The following KCNQ3 variants were observed in gnomAD, a reference collection of about 807,000 sequenced individuals.
The protein encoded by KCNQ3 is potassium voltage-gated channel subfamily Q member 3, also known as potassium voltage-gated channel subfamily KQT member 3.
In KCNQ3, 30 loss-of-function variants were observed where a neutral mutation model predicts 92.5. The observed-to-expected ratio is 0.32, with a 90% confidence interval of 0.24 to 0.44. KCNQ3 has a LOEUF of 0.44. Among genes scored for constraint, KCNQ3 ranks in the 20% least tolerant of loss-of-function variants. The pLI, the probability that KCNQ3 is intolerant of heterozygous loss-of-function variation, is 1.00. For missense variants in KCNQ3, 913 were observed against 1,140.3 expected, an observed-to-expected ratio of 0.80 and a Z score of 2.87; for synonymous variants, 450 against 468.8, an observed-to-expected ratio of 0.96 and a Z score of 0.52.
chr8:132,352,393 A>C (rs1306480941), intron 1 of KCNQ3, among the ~76,000 whole-genome samples: 1 of 152,274 alleles, frequency 6.6e-6, no homozygotes, highest in East Asian at 1.9e-4. Flanking sequence ...TCTACAATGC[A>C]CAGGAACAAG....
intron 1 of KCNQ3, among the ~76,000 whole-genome samples, chr8:132,373,151 A>G (rs1192144005): frequency 6.6e-6 from 1 of 152,026 alleles, no homozygotes; most frequent in Non-Finnish European, 1.5e-5. Context: ...GGCAAGTCAT[A>G]CTAGCACTCA....
At chr8:132,435,907 C>T (rs1821382414) in intron 1 of KCNQ3, among the ~76,000 whole-genome samples, 3 of 152,152 alleles carry the variant, frequency 2.0e-5, no homozygotes, top group African/African-American at 7.2e-5. Context: ...GGCATTGCAG[C>T]CAAGTTTGTA....
In KCNQ3 at chr8:132,175,392, C is replaced by A. The variant is rs2130133001; in HGVS notation, c.933+61G>T. ...CTGAACATGCTCATGTGATGCCCTC[C>A]ACCTCTCTCTGACTCTTGACAGTCA... On this transcript the variant is annotated intron_variant, in intron 5 of 14. Transcript: ENST00000388996. 15 of 1,576,590 alleles carry A rather than the reference C, an allele frequency of 9.5e-6. No individual in the cohort carries two copies. In the South Asian group the frequency reaches 1.3e-4, roughly 14 times the overall value.
At chr8:132,202,073 C>G (rs955115469) in intron 1 of KCNQ3, among the ~76,000 whole-genome samples, 3 of 152,144 alleles carry the variant, frequency 2.0e-5, no homozygotes, top group African/African-American at 7.2e-5. Flanking sequence ...GTGGGTTGAG[C>G]CACAACTTGT....
intron 1 of KCNQ3, among the ~76,000 whole-genome samples, chr8:132,376,030 G>A (rs1030784028): frequency 9.9e-5 from 15 of 152,250 alleles, no homozygotes; most frequent in Admixed American, 4.6e-4. Context: ...AAGCCCAGGC[G>A]TATCTCTTGT....
chr8:132,232,261 G>C (rs1333247150), intron 1 of KCNQ3, among the ~76,000 whole-genome samples: 2 of 152,108 alleles, frequency 1.3e-5, no homozygotes, highest in Non-Finnish European at 2.9e-5. Flanking sequence ...AGATCACCAA[G>C]GGGTCTTGTT....
chr8:132,417,768 G>A (rs370334738), intron 1 of KCNQ3, among the ~76,000 whole-genome samples: 52 of 152,300 alleles, frequency 3.4e-4, no homozygotes, highest in African/African-American at 1.1e-3. Flanking sequence ...CTTCCTAATG[G>A]AGTCCAAGCA....
In KCNQ3 at chr8:132,246,183, T is replaced by G. The variant is rs372015270; in HGVS notation, c.387-60002A>C. ...CAGAAAACAGACTGCCTGTCCCATTTACCTATTCTTGTGCAAGTGCCCAGA... is the reference window on the plus strand; with the variant it reads ...CAGAAAACAGACTGCCTGTCCCATTGACCTATTCTTGTGCAAGTGCCCAGA... On this transcript the variant is annotated intron_variant, in intron 1 of 14. Transcript: ENST00000388996. Among the ~76,000 whole-genome samples, 11 of 152,318 alleles carry G rather than the reference T, an allele frequency of 7.2e-5. No homozygotes were observed. The South Asian group carries it at 2.3e-3, about 32-fold the overall frequency.
chr8:132,337,242 GGCAGTC>G (rs902679458), intron 1 of KCNQ3, among the ~76,000 whole-genome samples: 4 of 152,182 alleles, frequency 2.6e-5, no homozygotes, highest in Admixed American at 6.5e-5. Context: ...CCAGCACTTT[GGCAGTC>G]CAAGGCAGGA....
intron 1 of KCNQ3, among the ~76,000 whole-genome samples, chr8:132,387,999 A>AGAAGAAGAGGAAGAGGAAGAG (rs1819938092): frequency 6.8e-6 from 1 of 147,802 alleles, no homozygotes; most frequent in South Asian, 2.2e-4. Flanking sequence ...AAGAGGAAGA[A>AGAAGAAGAGGAAGAGGAAGAG]GAAGAAGAGG....
intron 1 of KCNQ3, among the ~76,000 whole-genome samples, chr8:132,244,959 G>A (rs990765938): frequency 5.6e-5 from 8 of 143,986 alleles, no homozygotes; most frequent in African/African-American, 2.0e-4. Context: ...AGCTACCCAC[G>A]ATTCCACTGC....
chr8:132,382,217 C>T (rs921098662), intron 1 of KCNQ3, among the ~76,000 whole-genome samples: 1 of 152,198 alleles, frequency 6.6e-6, no homozygotes, highest in African/African-American at 2.4e-5. Context: ...GAAATGTGAT[C>T]CCCGGTGTTG....
intron 1 of KCNQ3, among the ~76,000 whole-genome samples, chr8:132,388,887 C>T (rs918262123): frequency 6.6e-6 from 1 of 152,134 alleles, no homozygotes. Context: ...GTTCTGATTC[C>T]ATTCTATGAT....
intron 4 of KCNQ3, among the ~76,000 whole-genome samples, chr8:132,176,214 G>A (rs1421535940): frequency 6.6e-6 from 1 of 152,172 alleles, no homozygotes; most frequent in African/African-American, 2.4e-5. Context: ...AAGGTATCAA[G>A]CCTGTAATTT....
intron 1 of KCNQ3, among the ~76,000 whole-genome samples, chr8:132,294,585 C>T (rs1816961104): frequency 6.6e-6 from 1 of 152,186 alleles, no homozygotes; most frequent in Admixed American, 6.5e-5. Context: ...AGGGACACAA[C>T]TTTCATAAGT....
intron 1 of KCNQ3, among the ~76,000 whole-genome samples, chr8:132,394,992 C>A (rs1213393313): frequency 1.3e-5 from 2 of 152,200 alleles, no homozygotes; most frequent in Admixed American, 6.5e-5. Flanking sequence ...GACAACCAAC[C>A]CTGCCTCCAT....
Position 132,273,800 on chromosome 8 carries a change from A to G in KCNQ3, c.387-87619T>C, listed in dbSNP as rs567971770. Among the ~76,000 whole-genome samples, 29 of 152,258 alleles carry G rather than the reference A, an allele frequency of 1.9e-4. 1 individual carries two copies. The highest frequency in any genetic ancestry group is 3.4e-3 in the Middle Eastern group (1 of 294). ...ACTCTCTCAAGTTTAAAGTTCCGCA[A>G]ATCTCTAGGGGTAAAATGCTGCTAG... is the stretch of plus-strand genomic sequence containing the variant. On this transcript the variant is annotated intron_variant, in intron 1 of 14. Coordinates refer to ENST00000388996, the MANE Select transcript of KCNQ3 (RefSeq NM_004519.4).
chr8:132,412,040 G>A (rs938291208), intron 1 of KCNQ3, among the ~76,000 whole-genome samples: 11 of 152,182 alleles, frequency 7.2e-5, no homozygotes, highest in Non-Finnish European at 1.5e-4. Flanking sequence ...TACTTATGGT[G>A]CTATGCAGAA....
At chr8:132,344,425 C>A (rs140679222) in intron 1 of KCNQ3, among the ~76,000 whole-genome samples, 1 of 152,278 alleles carries the variant, frequency 6.6e-6, no homozygotes, top group East Asian at 1.9e-4. Context: ...ACTTATTAGA[C>A]CTGAATAAGA....
Sources: gnomAD v4.1 joint callset for allele counts (sites outside exome capture counted in the v4.1 genomes callset) on GRCh38, gnomAD v4.1.1 for gene constraint, MANE v1.5 for transcripts, NCBI Gene and HGNC (gene_info 2026-07-23, HGNC 2026-07-21) for gene names.